The following IKBKB variants were observed in gnomAD, a reference collection of about 807,000 sequenced individuals.
The protein encoded by IKBKB is inhibitor of nuclear factor kappa-B kinase subunit beta.
A neutral mutation model predicts 113.6 loss-of-function variants in IKBKB; 42 were observed. The observed-to-expected ratio is 0.37, with a 90% CI of 0.29 to 0.48. IKBKB has a LOEUF of 0.48. Ranked by LOEUF, IKBKB falls within the 20% of genes least tolerant of loss-of-function variation. IKBKB has a pLI of 0.99. For synonymous variants in IKBKB, 296 were observed against 361.3 expected (o/e 0.82, Z 2.05); for missense variants, 673 against 939.7 (o/e 0.72, Z 3.71).
At chr8:42,281,915 A>G (rs958771091) in intron 2 of IKBKB, among the ~76,000 whole-genome samples, 7 of 152,130 alleles carry the variant, frequency 4.6e-5, no homozygotes, top group Admixed American at 1.3e-4. Flanking sequence ...GGAAGAGGCA[A>G]ACTTGAGGAA....
rs200867144 is a variant in IKBKB, at chr8:42,329,194, G to C, written c.2185G>C (p.Glu729Gln). 24 of 1,595,272 alleles carry C rather than the reference G, an allele frequency of 1.5e-5. No individual in the cohort carries two copies. Among genetic ancestry groups the C allele is most frequent in the Middle Eastern group, 3.3e-4 (2 of 6,060 alleles). ...LENAIQDTVR[E>Q]QDQSFTALDW... ...AAATGCCATACAGGACACTGTGAGG[G>C]AACAAGACCAGAGTTTCACGGTAAC... The change falls in exon 21 of 22, where the codon GAA (glutamate) becomes CAA (glutamine). Residue 729 changes from glutamate to glutamine, a missense_variant. By Grantham distance (29) the Glu-to-Gln change is conservative. Around this residue, in one of 2 missense-constraint regions of IKBKB, gnomAD observed 506 missense variants for 638.7 expected, o/e 0.79. Transcript: ENST00000520810.
At chr8:42,306,466 C>G (rs202118271) in intron 7 of IKBKB, 34 bp downstream of exon 7, 1 of 1,351,834 alleles carries the variant, frequency 7.4e-7, no homozygotes, top group Non-Finnish European at 1.1e-6. Context: ...TGCCTGTCAG[C>G]TCCTCCCTGC....
At position 42,326,081 on chromosome 8, in the gene IKBKB, G is replaced by A; in HGVS notation, c.2098G>A (p.Glu700Lys). 6.2e-7 allele frequency: 1 copy of A among 1,614,202 alleles called. No individual in the cohort carries two copies. The highest frequency in any genetic ancestry group is 8.5e-7 in the Non-Finnish European group (1 of 1,180,036). The change falls in exon 20 of 22, where the codon GAG becomes AAG. Residue 700 changes from glutamate to lysine, a missense_variant. Coordinates refer to ENST00000520810, the MANE Select transcript of IKBKB (RefSeq NM_001556.3). ...QPSTASNSLP[E>K]PAKKSEELVA... ...CTCCACGGCCTCCAACAGCTTACCT[G>A]AGCCAGCCAAGAAGAGGTAGGTCCT...
intron 6 of IKBKB, 47 bp downstream of exon 6, chr8:42,305,322 G>T (rs1182834306): frequency 4.1e-6 from 5 of 1,206,416 alleles, no homozygotes; most frequent in Non-Finnish European, 6.2e-6. Context: ...GGCGTGCCGG[G>T]AAGTGGCCTG....
intron 8 of IKBKB, chr8:42,314,040 T>C (rs1203008710): frequency 5.5e-6 from 2 of 365,954 alleles, no homozygotes; most frequent in Non-Finnish European, 1.0e-5. Flanking sequence ...ATTATAATAC[T>C]GTATTTTTAC....
chr8:42,320,812 G>A lies in IKBKB; in HGVS notation c.1656G>A (p.Met552Ile). The change falls in exon 16 of 22, where the codon ATG (methionine) becomes ATA (isoleucine). Residue 552 changes from methionine to isoleucine, a missense_variant. By Grantham distance (10) the Met-to-Ile change is conservative (BLOSUM62 1). This residue lies in a region of IKBKB where 506 missense variants were observed against 638.7 expected (regional missense o/e 0.79). Coordinates refer to ENST00000520810, the MANE Select transcript of IKBKB (RefSeq NM_001556.3). ...TTGTGGACTTACAGAGGAGCCCCAT[G>A]GGCCGGAAGCAGGGGGGAACGCTGG... Reference protein sequence around the residue: ...TDIVDLQRSPMGRKQGGTLDD... With the variant: ...TDIVDLQRSPIGRKQGGTLDD... The A allele has an allele frequency of 6.2e-7, 1 of 1,606,008 alleles. No individual in the cohort carries two copies. The highest frequency in any genetic ancestry group is 8.5e-7 in the Non-Finnish European group (1 of 1,175,914).
Position 42,316,957 on chromosome 8 carries a change from G to C in IKBKB, c.1125+53G>C. ...CTGTTTACCTTGGCTGTGCCTCCTG[G>C]GAAACTCAACACACTTTCAGATTTC... On this transcript the variant is annotated intron_variant, in intron 11 of 21. Transcript: ENST00000520810. The surrounding 1 kb of genome is among the most constrained non-coding windows in gnomAD (Gnocchi z 4.5). The C allele has an allele frequency of 6.6e-7, 1 of 1,513,468 alleles. No homozygotes were observed. Among genetic ancestry groups the C allele is most frequent in the Non-Finnish European group, 9.1e-7 (1 of 1,096,108 alleles). The allele number at this position is 1,513,468 out of a possible 1,614,324, so 93.8% of individuals were successfully genotyped here. A position where few individuals can be genotyped will look rare whatever the true frequency, so the allele number is the denominator to read the frequency against.
At chr8:42,301,786 G>A (rs1051693226) in intron 5 of IKBKB, among the ~76,000 whole-genome samples, 1 of 152,134 alleles carries the variant, frequency 6.6e-6, no homozygotes, top group Non-Finnish European at 1.5e-5. Flanking sequence ...TCCACGTGGC[G>A]TAGAGAGCGG....
At chr8:42,320,924 C>T in intron 16 of IKBKB, 80 bp downstream of exon 16, 1 of 836,280 alleles carries the variant, frequency 1.2e-6, no homozygotes, top group South Asian at 1.7e-5. Context: ...TCAAGGGCAC[C>T]CTCAGTGGCT....
intron 4 of IKBKB, 80 bp from the exon 5 acceptor site, chr8:42,293,363 A>T (rs1194684419): frequency 1.3e-6 from 2 of 1,579,166 alleles, no homozygotes; most frequent in Non-Finnish European, 1.7e-6. Context: ...CTCTGGTCAC[A>T]TGGGCTGGTA....
rs201815892 is a variant in IKBKB, at chr8:42,306,539, G to C, written c.567+107G>C. The C allele has an allele frequency of 1.1e-5, 8 of 747,358 alleles. No homozygotes were observed. In the East Asian group the frequency reaches 2.1e-4, roughly 20 times the overall value. 46.3% of individuals were successfully genotyped at this position (747,358 alleles called of 1,614,324 possible). On this transcript the variant is annotated intron_variant, in intron 7 of 21. Coordinates refer to ENST00000520810, the MANE Select transcript of IKBKB (RefSeq NM_001556.3). ...AGCACCTGAGTCCCACCGGCTCTCT[G>C]AATGTTTTGGAGATGCATGAGGTCA...
rs1257789148 is a variant in IKBKB, at chr8:42,318,777, A to T, written c.1364+102A>T. On this transcript the variant is annotated intron_variant, in intron 13 of 21. Transcript: ENST00000520810. ...AGGCAGGGACCCAGAAGCAACCGTT[A>T]TGAGCAACAAAAGGAAGACACTGGT... 5 of 1,131,826 alleles carry T rather than the reference A, an allele frequency of 4.4e-6. No individual in the cohort carries two copies. In the East Asian group the frequency reaches 1.3e-4, roughly 30 times the overall value. The allele number at this position is 1,131,826 out of a possible 1,614,324, so 70.1% of individuals were successfully genotyped here. A position where few individuals can be genotyped will look rare whatever the true frequency, so the allele number is the denominator to read the frequency against.
intron 2 of IKBKB, among the ~76,000 whole-genome samples, chr8:42,277,222 G>T (rs1809355694): frequency 7.6e-6 from 1 of 131,584 alleles, no homozygotes; most frequent in African/African-American, 2.9e-5. Context: ...ACGCTCTGTT[G>T]CCCAGGCTGG....
intron 20 of IKBKB, 110 bp from the exon 21 acceptor site, chr8:42,329,014 T>C: frequency 1.3e-6 from 1 of 787,476 alleles, no homozygotes; most frequent in Admixed American, 3.1e-5. Context: ...AAATAATTGT[T>C]ACTTCATTTA....
rs151057347 is a variant in IKBKB, at chr8:42,321,909, A to C, written c.1702A>C (p.Arg568=). ...TGTATATTTTAGAGAGGAGCAAGCAAGGGAGCTGTACAGGAGACTAAGGGA... is the reference window on the plus strand; with the variant it reads ...TGTATATTTTAGAGAGGAGCAAGCACGGGAGCTGTACAGGAGACTAAGGGA... ...GTLDDLEEQA[R]ELYRRLREKP... Residue 568 remains arginine (R), a synonymous_variant, in exon 17 of 22, where the codon AGG becomes CGG. Coordinates refer to ENST00000520810, the MANE Select transcript of IKBKB (RefSeq NM_001556.3). 2.4e-3 allele frequency: 3,841 copies of C among 1,610,070 alleles called. 11 individuals are homozygous for C. Among genetic ancestry groups the C allele is most frequent in the Non-Finnish European group, 2.8e-3 (3,310 of 1,178,444 alleles).
intron 19 of IKBKB, chr8:42,325,673 CA>C: frequency 8.8e-7 from 1 of 1,136,858 alleles, no homozygotes; most frequent in African/African-American, 1.6e-5. Flanking sequence ...GCAAGACTCT[CA>C]ATCATAATCA....
At chr8:42,319,793 AAAGAG>A in intron 15 of IKBKB, 147 bp downstream of exon 15, 1 of 690,318 alleles carries the variant, frequency 1.4e-6, no homozygotes. Flanking sequence ...GACCAGCTGA[AAAGAG>A]GCCAAGAGAG....
chr8:42,322,277 T>G (rs1819921041), intron 18 of IKBKB, 70 bp from the exon 19 acceptor site: 1 of 1,599,650 alleles, frequency 6.3e-7, no homozygotes, highest in Non-Finnish European at 8.6e-7. Context: ...GCTGACTGGA[T>G]GCACAGCTGC....
At chr8:42,280,249 G>A (rs1262246352) in intron 2 of IKBKB, among the ~76,000 whole-genome samples, 1 of 152,086 alleles carries the variant, frequency 6.6e-6, no homozygotes, top group African/African-American at 2.4e-5. Context: ...GTGAACAAGC[G>A]AGCCCCACCA....
Sources: allele counts gnomAD v4.1 joint callset (sites outside exome capture counted in the v4.1 genomes callset), GRCh38; gene constraint gnomAD v4.1.1; regional missense constraint gnomAD v4.1.1; non-coding constraint Gnocchi (gnomAD v3.1); transcripts MANE v1.5; gene names NCBI Gene and HGNC (gene_info 2026-07-23, HGNC 2026-07-21).